The following COL4A1 variants were observed in gnomAD, a reference collection of about 807,000 sequenced individuals.
The protein encoded by COL4A1 is collagen type IV alpha 1 chain, also known as collagen alpha-1(IV) chain.
Under a neutral mutation model 216.6 loss-of-function variants are expected in COL4A1, and 40 were observed. The ratio of observed to expected loss-of-function variants is 0.18; its 90% confidence interval spans 0.14 to 0.24. The LOEUF (loss-of-function observed/expected upper bound fraction) is 0.24, where lower values mean the gene tolerates loss of function less well. Ranked by LOEUF, COL4A1 falls within the 10% of genes least tolerant of loss-of-function variation. The probability of loss-of-function intolerance (pLI) is 1.00; values close to 1 mark genes in which losing one functional copy is unlikely to be tolerated. For missense variants in COL4A1, 1,628 were observed against 2,196.8 expected, an observed-to-expected ratio of 0.74 and a Z score of 5.18; for synonymous variants, 839 against 810.7, an observed-to-expected ratio of 1.03 and a Z score of -0.59.
chr13:110,189,806 T>A (rs3783106), intron 24 of COL4A1, among the ~76,000 whole-genome samples: 10 of 151,374 alleles, frequency 6.6e-5, no homozygotes, highest in Non-Finnish European at 1.3e-4. Flanking sequence ...TGTAAATCAC[T>A]TTGCTTCATT....
intron 1 of COL4A1, among the ~76,000 whole-genome samples, chr13:110,243,175 G>A (rs1881639461): frequency 2.1e-5 from 3 of 143,990 alleles, no homozygotes; most frequent in Admixed American, 6.7e-5. Context: ...AAGGACACAC[G>A]GCCGCGCAAA....
chr13:110,183,530 A>G (rs1030056522), intron 26 of COL4A1, among the ~76,000 whole-genome samples: 1 of 152,238 alleles, frequency 6.6e-6, no homozygotes, highest in Non-Finnish European at 1.5e-5. Flanking sequence ...GAATCCCTTA[A>G]GAGTCCACAA....
intron 46 of COL4A1, 110 bp downstream of exon 46, chr13:110,164,752 G>T (rs535556667): frequency 1.3e-5 from 19 of 1,456,140 alleles, no homozygotes; most frequent in Non-Finnish European, 1.8e-5. Flanking sequence ...TCATATGTGT[G>T]TGTATAATCA....
chr13:110,252,553 G>A lies in COL4A1; in HGVS notation c.85-9819C>T, dbSNP rs1463493343. Reference sequence around the variant, plus strand: ...ATACGTATATATGTATTATATATACGTATAATTATACGTATATATGTATTA... The same window carrying A: ...ATACGTATATATGTATTATATATACATATAATTATACGTATATATGTATTA... On this transcript the variant is annotated intron_variant, in intron 1 of 51. Coordinates refer to ENST00000375820, the MANE Select transcript of COL4A1 (RefSeq NM_001845.6). 4.0e-3 allele frequency among the ~76,000 whole-genome samples: 209 copies of A among 52,548 alleles called. 22 individuals carry two copies. The highest frequency in any genetic ancestry group is 0.01 in the African/African-American group (197 of 19,526). The allele number at this position is 52,548 out of a possible 152,430, so 34.5% of individuals were successfully genotyped here.
intron 1 of COL4A1, among the ~76,000 whole-genome samples, chr13:110,294,316 A>G (rs1884189332): frequency 6.6e-6 from 1 of 152,224 alleles, no homozygotes; most frequent in South Asian, 2.1e-4. Context: ...CAATTTTAAG[A>G]CAAAGGACAA....
rs1418118511 is a variant in COL4A1 at position 110,152,401 on chromosome 13, T to C, written c.4861A>G (p.Thr1621Ala). ...APFIECHGRG[T>A]CNYYANAYSF... ...TAAGCGTTTGCGTAGTAATTGCAGG[T>C]CCCACGGCCGTGACACTCGATGAAT... The change falls in exon 51 of 52, where the codon ACC becomes GCC. Residue 1621 changes from threonine (T) to alanine (A), a missense_variant. Around this residue, in one of 8 missense-constraint regions of COL4A1, gnomAD observed 254 missense variants for 300.1 expected, o/e 0.85. Transcript: ENST00000375820. 1 of 1,614,118 alleles carries C rather than the reference T, an allele frequency of 6.2e-7. No individual in the cohort carries two copies. Among genetic ancestry groups the C allele is most frequent in the Non-Finnish European group, 8.5e-7 (1 of 1,180,020 alleles).
At chr13:110,294,019 A>C (rs1884179665) in intron 1 of COL4A1, among the ~76,000 whole-genome samples, 1 of 152,118 alleles carries the variant, frequency 6.6e-6, no homozygotes. Context: ...CCAGATTTTA[A>C]TTTTGACTCT....
Position 110,152,485 on chromosome 13 carries a change from C to T in COL4A1, c.4777G>A (p.Gly1593Ser). The T allele has an allele frequency of 1.2e-6, 2 of 1,613,152 alleles. No homozygotes were observed. Among genetic ancestry groups the T allele is most frequent in the Non-Finnish European group, 1.7e-6 (2 of 1,179,954 alleles). Residue 1593 changes from glycine to serine, a missense_variant, in exon 51 of 52, where the codon GGC becomes AGC. By Grantham distance (56) the Gly-to-Ser change is moderately conservative. Transcript: ENST00000375820. The part of the protein sequence containing the change: ...FVMHTSAGAE[G>S]SGQALASPGS... The stretch of plus-strand genomic sequence containing the variant: ...GGGGACGCCAGGGCTTGGCCAGAGC[C>T]TTCTGCACCAGCGCTGGTGTGCTGC...
chr13:110,196,135 G>C (rs1012827707), intron 21 of COL4A1, among the ~76,000 whole-genome samples: 1 of 152,218 alleles, frequency 6.6e-6, no homozygotes, highest in East Asian at 1.9e-4. Context: ...GTTAGCTTCC[G>C]CTGTGTAGGA....
chr13:110,242,873 T>A, intron 1 of COL4A1, 139 bp from the exon 2 acceptor site: 2 of 914,366 alleles, frequency 2.2e-6, no homozygotes, highest in Non-Finnish European at 3.6e-6. Context: ...TTATCTGCAC[T>A]GGTTTTCATG....
chr13:110,232,556 C>T (rs1274935330), intron 2 of COL4A1, among the ~76,000 whole-genome samples: 2 of 152,166 alleles, frequency 1.3e-5, no homozygotes, highest in Non-Finnish European at 2.9e-5. Context: ...AAAATATACA[C>T]TCTCATTTTG....
chr13:110,193,025 T>G, intron 22 of COL4A1, 112 bp from the exon 23 acceptor site: 1 of 1,000,842 alleles, frequency 1.0e-6, no homozygotes, highest in East Asian at 2.5e-5. Context: ...ACATCCAAAC[T>G]TAGGTTTGCT....
At chr13:110,261,757 G>T (rs1000113908) in intron 1 of COL4A1, among the ~76,000 whole-genome samples, 2 of 152,212 alleles carry the variant, frequency 1.3e-5, no homozygotes, top group Non-Finnish European at 2.9e-5. Flanking sequence ...AGGGGCAGGG[G>T]CTCTGCCAGA....
rs531641177 is a variant in COL4A1, at chr13:110,229,314, C to G, written c.144+13361G>C. The stretch of plus-strand genomic sequence containing the variant: ...GTACCTCCAGCTTCACAGGAAAGAT[C>G]TCAACTCAGAGGACACTAACATTTA... On this transcript the variant is annotated intron_variant, in intron 2 of 51. Transcript: ENST00000375820. 1.2e-3 allele frequency among the ~76,000 whole-genome samples: 181 copies of G among 152,324 alleles called. 2 individuals carry two copies. In the South Asian group the frequency reaches 0.02, roughly 17 times the overall value.
At chr13:110,165,780 G>A (rs553018636) in intron 45 of COL4A1, among the ~76,000 whole-genome samples, 2 of 152,200 alleles carry the variant, frequency 1.3e-5, no homozygotes, top group South Asian at 2.1e-4. Flanking sequence ...TGTGGTTTTC[G>A]GCGACTTTCA....
chr13:110,279,451 T>C (rs1780068440), intron 1 of COL4A1, among the ~76,000 whole-genome samples: 2 of 152,204 alleles, frequency 1.3e-5, no homozygotes, highest in African/African-American at 4.8e-5. Flanking sequence ...CCAGGAAGAT[T>C]GTAAGCTCCT....
chr13:110,273,372 T>G (rs1298529137), intron 1 of COL4A1, among the ~76,000 whole-genome samples: 1 of 152,190 alleles, frequency 6.6e-6, no homozygotes, highest in Admixed American at 6.5e-5. Context: ...AGTGGCTGAG[T>G]GCATCTTAGA....
chr13:110,299,789 G>C (rs1447868121), intron 1 of COL4A1, among the ~76,000 whole-genome samples: 1 of 152,186 alleles, frequency 6.6e-6, no homozygotes, highest in Non-Finnish European at 1.5e-5. Context: ...TCCTTAGTCT[G>C]GTGGTAGCAA....
chr13:110,289,970 A>G (rs1884019034), intron 1 of COL4A1, among the ~76,000 whole-genome samples: 1 of 152,174 alleles, frequency 6.6e-6, no homozygotes, highest in Admixed American at 6.5e-5. Context: ...CTGGGAAGTA[A>G]AAATAGAGGG....
Sources: gnomAD v4.1 joint callset for allele counts (sites outside exome capture counted in the v4.1 genomes callset) on GRCh38, gnomAD v4.1.1 for gene constraint, gnomAD v4.1.1 regional missense constraint, MANE v1.5 for transcripts, NCBI Gene and HGNC (gene_info 2026-07-23, HGNC 2026-07-21) for gene names.